B4GALT5: variants seen among roughly 807,000 people sequenced by gnomAD.
The protein encoded by B4GALT5 is beta-1,4-galactosyltransferase 5, also known as UDP-Gal:beta-GlcNAc beta-1,4-galactosyltransferase 5.
B4GALT5 carries 11 observed loss-of-function variants against 45.0 expected under a neutral mutation model. The observed-to-expected ratio is 0.24, with a 90% CI of 0.15 to 0.40. The LOEUF (loss-of-function observed/expected upper bound fraction) is 0.40, where lower values mean the gene tolerates loss of function less well. Among genes scored for constraint, B4GALT5 ranks in the 10% least tolerant of loss-of-function variants. The probability of loss-of-function intolerance (pLI) is 1.00; values close to 1 mark genes in which losing one functional copy is unlikely to be tolerated. For synonymous variants in B4GALT5, 185 were observed against 182.9 expected (o/e 1.01, Z -0.09); for missense variants, 337 against 500.2 (o/e 0.67, Z 3.11).
intron 1 of B4GALT5, among the ~76,000 whole-genome samples, chr20:49,659,022 G>A (rs539917975): frequency 1.3e-5 from 2 of 152,294 alleles, no homozygotes; most frequent in South Asian, 4.1e-4. Flanking sequence ...AAGGTCAACT[G>A]AGAGCACTAG....
At chr20:49,644,185 C>G (rs1364473773) in intron 3 of B4GALT5, among the ~76,000 whole-genome samples, 1 of 151,938 alleles carries the variant, frequency 6.6e-6, no homozygotes, top group Non-Finnish European at 1.5e-5. Context: ...CCTGGGCCAC[C>G]CAAAATGTTA....
intron 1 of B4GALT5, among the ~76,000 whole-genome samples, chr20:49,673,379 C>CAA (rs11482342): frequency 6.1e-4 from 90 of 147,488 alleles, no homozygotes; most frequent in East Asian, 3.4e-3. Context: ...GACTCCAACT[C>CAA]AAAAAAAAAA....
At chr20:49,709,547 G>A (rs532344856) in intron 1 of B4GALT5, among the ~76,000 whole-genome samples, 18 of 152,276 alleles carry the variant, frequency 1.2e-4, no homozygotes, top group African/African-American at 4.3e-4. Context: ...TGAGGTGGGT[G>A]GATCACTTGA....
chr20:49,697,016 G>GA (rs2085842072), intron 1 of B4GALT5, among the ~76,000 whole-genome samples: 1 of 152,158 alleles, frequency 6.6e-6, no homozygotes, highest in South Asian at 2.1e-4. Context: ...AAATTAGATC[G>GA]ATGTTGTTTA....
rs1389645980 is a variant in B4GALT5, at chr20:49,636,024, G to A, written c.*288C>T. ...CTGGAGACTGCGGCTAAGACAGGAT[G>A]TGGGGTAGGAGATGGGGAGAGAGCA... On this transcript the variant is annotated 3_prime_UTR_variant, in exon 9 of 9. Coordinates refer to ENST00000371711, the MANE Select transcript of B4GALT5 (RefSeq NM_004776.4). The A allele has an allele frequency of 1.8e-5, 7 of 391,204 alleles. No homozygotes were observed. Among genetic ancestry groups the A allele is most frequent in the Non-Finnish European group, 2.9e-5 (6 of 208,040 alleles). The allele number at this position is 391,204 out of a possible 1,614,324, so 24.2% of individuals were successfully genotyped here. A position where few individuals can be genotyped will look rare whatever the true frequency, so the allele number is the denominator to read the frequency against.
At chr20:49,690,846 C>A (rs2085807716) in intron 1 of B4GALT5, among the ~76,000 whole-genome samples, 1 of 151,972 alleles carries the variant, frequency 6.6e-6, no homozygotes, top group African/African-American at 2.4e-5. Flanking sequence ...GAATCCTTAC[C>A]CTGAAATTGC....
intron 1 of B4GALT5, among the ~76,000 whole-genome samples, chr20:49,661,941 C>T (rs1002745720): frequency 1.3e-5 from 2 of 152,104 alleles, no homozygotes; most frequent in African/African-American, 2.4e-5. Flanking sequence ...AAATAAGCCC[C>T]ATTCAGGTCT....
rs1568713338 is a variant in B4GALT5, at chr20:49,636,378, G to GT, written c.1100dup (p.Tyr367Ter). The change falls in exon 9 of 9, where the codon TAC becomes TAAC. Residue 367 changes from tyrosine to a stop codon, truncating the protein, a stop_gained and frameshift_variant. Coordinates refer to ENST00000371711, the MANE Select transcript of B4GALT5 (RefSeq NM_004776.4). LOFTEE classifies it high-confidence loss of function. ...CAGTTATGTTTTTATACAAGGCGTCGTATGTGATGTTTGCAAAGTAGTTCA... is the reference window on the plus strand; with the variant it reads ...CAGTTATGTTTTTATACAAGGCGTCGTTATGTGATGTTTGCAAAGTAGTTCA... ...NNLNYFANIT[Y>*]DALYKNITVN... The GT allele has an allele frequency of 6.2e-7, 1 of 1,614,126 alleles. No individual in the cohort carries two copies. Among genetic ancestry groups the GT allele is most frequent in the Non-Finnish European group, 8.5e-7 (1 of 1,180,006 alleles).
chr20:49,646,897 G>A, intron 3 of B4GALT5, 68 bp downstream of exon 3: 2 of 917,316 alleles, frequency 2.2e-6, no homozygotes, highest in East Asian at 2.6e-5. Context: ...GGCAGACAGA[G>A]AGATCAAGAG....
At chr20:49,683,385 A>ATTTTT (rs66503719) in intron 1 of B4GALT5, among the ~76,000 whole-genome samples, 2 of 96,638 alleles carry the variant, frequency 2.1e-5, no homozygotes, top group African/African-American at 8.2e-5. Context: ...ACAGGTTTAA[A>ATTTTT]TTTTTTTTTT....
intron 8 of B4GALT5, 39 bp downstream of exon 8, chr20:49,637,302 A>G (rs753837019): frequency 1.3e-6 from 2 of 1,528,994 alleles, no homozygotes; most frequent in Admixed American, 3.3e-5. Flanking sequence ...ATGAAAGTAT[A>G]GGGGATACTT....
chr20:49,662,566 C>T (rs1450793086), intron 1 of B4GALT5, among the ~76,000 whole-genome samples: 1 of 152,158 alleles, frequency 6.6e-6, no homozygotes, highest in Non-Finnish European at 1.5e-5. Flanking sequence ...GGATTTCAAG[C>T]CCTTCTCTTT....
At chr20:49,672,365 A>C (rs959573398) in intron 1 of B4GALT5, among the ~76,000 whole-genome samples, 9 of 152,242 alleles carry the variant, frequency 5.9e-5, no homozygotes, top group Non-Finnish European at 1.0e-4. Flanking sequence ...CAGAGAAAGC[A>C]CTTGAAAATT....
At chr20:49,661,312 G>C (rs2085663955) in intron 1 of B4GALT5, among the ~76,000 whole-genome samples, 1 of 152,066 alleles carries the variant, frequency 6.6e-6, no homozygotes, top group African/African-American at 2.4e-5. Context: ...TCGGCTCACT[G>C]CAACCTCCAT....
intron 1 of B4GALT5, among the ~76,000 whole-genome samples, chr20:49,695,704 G>A (rs2085836996): frequency 6.6e-6 from 1 of 152,152 alleles, no homozygotes; most frequent in Admixed American, 6.5e-5. Context: ...CCCGGCCAGT[G>A]TGGTCACTGT....
intron 1 of B4GALT5, among the ~76,000 whole-genome samples, chr20:49,674,490 C>T (rs1285467806): frequency 6.6e-6 from 1 of 151,734 alleles, no homozygotes; most frequent in African/African-American, 2.4e-5. Context: ...GCCTGTAATC[C>T]CAACACTTTG....
intron 1 of B4GALT5, among the ~76,000 whole-genome samples, chr20:49,666,025 T>C (rs138508606): frequency 1.4e-4 from 22 of 152,242 alleles, no homozygotes; most frequent in African/African-American, 5.1e-4. Flanking sequence ...AGCCACGACA[T>C]TGCAGAAACG....
intron 1 of B4GALT5, among the ~76,000 whole-genome samples, chr20:49,696,485 C>T (rs2085840140): frequency 6.6e-6 from 1 of 152,092 alleles, no homozygotes; most frequent in Admixed American, 6.5e-5. Context: ...TTCAAGAATC[C>T]CTTGCCAGAA....
At position 49,633,437 on chromosome 20, in the gene B4GALT5, C is replaced by CTTTT. The variant is rs1555810424; in HGVS notation, c.*2874_*2875insAAAA. 1 of 121,928 alleles carries CTTTT rather than the reference C, an allele frequency of 8.2e-6. No individual in the cohort carries two copies. Among genetic ancestry groups the CTTTT allele is most frequent in the Admixed American group, 7.8e-5 (1 of 12,890 alleles). The allele number at this position is 121,928 out of a possible 1,614,324, so 7.6% of individuals were successfully genotyped here. On this transcript the variant is annotated 3_prime_UTR_variant, in exon 9 of 9. Transcript: ENST00000371711. ...ATATGCACAAGGTCACATTTGGTTC[C>CTTTT]TGTTTTTTTTTTTAACATGACAATT...
Sources: allele counts gnomAD v4.1 joint callset (sites outside exome capture counted in the v4.1 genomes callset), GRCh38; gene constraint gnomAD v4.1.1; transcripts MANE v1.5; gene names NCBI Gene and HGNC (gene_info 2026-07-23, HGNC 2026-07-21).